ANKRD45: variants seen among roughly 807,000 people sequenced by gnomAD.
The protein encoded by ANKRD45 is ankyrin repeat domain-containing protein 45.
A neutral mutation model predicts 28.1 loss-of-function variants in ANKRD45; 21 were observed. The observed-to-expected ratio is 0.75, with a 90% CI of 0.53 to 1.08. The LOEUF (loss-of-function observed/expected upper bound fraction) is 1.08. ANKRD45 is among the 50% of genes least tolerant of loss of function. The probability of loss-of-function intolerance (pLI) is 0.00; values close to 1 mark genes in which losing one functional copy is unlikely to be tolerated. For synonymous variants in ANKRD45, 86 were observed against 103.9 expected, an observed-to-expected ratio of 0.83 and a Z score of 1.05; for missense variants, 261 against 308.7, an observed-to-expected ratio of 0.85 and a Z score of 1.16.
chr1:173,676,470 C>T, the ANKRD45 span, among the ~76,000 whole-genome samples: 47 of 152,158 alleles, frequency 3.1e-4, no homozygotes, highest in African/African-American at 9.9e-4. Flanking sequence ...TTAGTCCCTG[C>T]GGTTAATTCC....
chr1:173,622,159 G>A (rs886633912), intron 5 of ANKRD45, among the ~76,000 whole-genome samples: 2 of 152,064 alleles, frequency 1.3e-5, no homozygotes, highest in African/African-American at 2.4e-5. Context: ...AATCAGAAAG[G>A]ACACAAACAA....
intron 1 of ANKRD45, among the ~76,000 whole-genome samples, chr1:173,663,317 G>A (rs1023000780): frequency 2.0e-5 from 3 of 152,118 alleles, no homozygotes; most frequent in Non-Finnish European, 4.4e-5. Context: ...GGCACTCATC[G>A]CAAGTGACAG....
At chr1:173,635,704 A>G (rs1668402828) in intron 3 of ANKRD45, 1 of 1,535,610 alleles carries the variant, frequency 6.5e-7, no homozygotes, top group Non-Finnish European at 8.7e-7. Context: ...TTCTGGATAA[A>G]CTATGCTGCG....
chr1:173,650,249 T>C (rs2102366843), intron 2 of ANKRD45, among the ~76,000 whole-genome samples: 1 of 152,272 alleles, frequency 6.6e-6, no homozygotes, highest in East Asian at 1.9e-4. Context: ...ATGCTATCTC[T>C]CCACCAACCC....
At chr1:173,663,991 T>A (rs1054646153) in intron 1 of ANKRD45, among the ~76,000 whole-genome samples, 1 of 152,208 alleles carries the variant, frequency 6.6e-6, no homozygotes. Flanking sequence ...AGGTAACATA[T>A]CACTGTTTTT....
chr1:173,620,311 C>T (rs1667645553), intron 5 of ANKRD45, among the ~76,000 whole-genome samples: 1 of 152,236 alleles, frequency 6.6e-6, no homozygotes, highest in African/African-American at 2.4e-5. Context: ...CTCAAAACCA[C>T]ACAACTGCAT....
chr1:173,714,994 T>G, the ANKRD45 span: 1 of 152,742 alleles, frequency 6.5e-6, no homozygotes, highest in African/African-American at 2.4e-5. Context: ...CTGCCTGCGT[T>G]AGCGGCGGTG....
At chr1:173,678,252 C>T in the ANKRD45 span, among the ~76,000 whole-genome samples, 645 of 152,034 alleles carry the variant, frequency 4.2e-3, 4 homozygotes, top group South Asian at 0.012. Context: ...CTGGCAGAGA[C>T]AAAACAAAAA....
upstream of ANKRD45, among the ~76,000 whole-genome samples, chr1:173,672,652 G>A (rs560128009): frequency 1.9e-4 from 29 of 152,280 alleles, no homozygotes; most frequent in African/African-American, 3.9e-4. Flanking sequence ...CAAAGATGCC[G>A]TGAGCTCCAC....
chr1:173,622,636 C>T (rs1263498003), intron 5 of ANKRD45, among the ~76,000 whole-genome samples: 1 of 152,140 alleles, frequency 6.6e-6, no homozygotes, highest in African/African-American at 2.4e-5. Context: ...CCCTTCCTTA[C>T]ACCTTATACA....
intron 2 of ANKRD45, among the ~76,000 whole-genome samples, chr1:173,654,529 A>G (rs1347409456): frequency 1.3e-5 from 2 of 151,778 alleles, no homozygotes; most frequent in Non-Finnish European, 2.9e-5. Context: ...TGCACTTAAC[A>G]TTTTTTCCTT....
At chr1:173,663,333 G>A (rs1341855722) in intron 1 of ANKRD45, among the ~76,000 whole-genome samples, 7 of 152,184 alleles carry the variant, frequency 4.6e-5, no homozygotes, top group Admixed American at 1.3e-4. Context: ...GACAGAAATA[G>A]TATGCTGATC....
intron 3 of ANKRD45, among the ~76,000 whole-genome samples, chr1:173,640,016 T>C (rs1174187350): frequency 6.6e-6 from 1 of 152,146 alleles, no homozygotes; most frequent in Non-Finnish European, 1.5e-5. Flanking sequence ...AATCAGACTT[T>C]AAAGAACCAT....
intron 5 of ANKRD45, among the ~76,000 whole-genome samples, chr1:173,618,563 G>C (rs746652197): frequency 6.6e-6 from 1 of 151,960 alleles, no homozygotes; most frequent in Non-Finnish European, 1.5e-5. Context: ...ACTATCTTTT[G>C]AAATAGGAAG....
the ANKRD45 span, among the ~76,000 whole-genome samples, chr1:173,682,706 C>T: frequency 6.6e-6 from 1 of 151,922 alleles, no homozygotes; most frequent in Non-Finnish European, 1.5e-5. Context: ...CACACACACA[C>T]ACACACACAC....
intron 1 of ANKRD45, among the ~76,000 whole-genome samples, chr1:173,659,842 G>A (rs541463764): frequency 6.6e-6 from 1 of 152,262 alleles, no homozygotes; most frequent in East Asian, 1.9e-4. Context: ...TAAAAATTAG[G>A]CAACGACATT....
In ANKRD45 at chr1:173,627,129, G is replaced by T. The variant is rs1667973834; in HGVS notation, c.527C>A (p.Ala176Glu). The T allele has an allele frequency of 5.0e-6, 8 of 1,612,686 alleles. No homozygotes were observed. Among genetic ancestry groups the T allele is most frequent in the African/African-American group, 1.3e-5 (1 of 74,316 alleles). ...GTCAGTAACAGCTAAAGAGACTTTT[G>T]CAATATATTTTTTCAGAGTCAGCCT... ...DARLTLKKYI[A>E]KVSLAVTDTE... The change falls in exon 4 of 6, where the codon GCA becomes GAA. Residue 176 changes from alanine to glutamate, a missense_variant. Coordinates refer to ENST00000333279, the MANE Select transcript of ANKRD45 (RefSeq NM_198493.3).
At chr1:173,632,582 G>A (rs1668243133) in intron 3 of ANKRD45, among the ~76,000 whole-genome samples, 1 of 148,866 alleles carries the variant, frequency 6.7e-6, no homozygotes, top group Non-Finnish European at 1.5e-5. Flanking sequence ...TCTCCCTGAT[G>A]AACACTGATG....
At chr1:173,654,086 C>T (rs552890724) in intron 2 of ANKRD45, among the ~76,000 whole-genome samples, 1 of 150,724 alleles carries the variant, frequency 6.6e-6, no homozygotes, top group Non-Finnish European at 1.5e-5. Context: ...CTTTTAATTG[C>T]GGCATTTACA....
Sources: allele counts gnomAD v4.1 joint callset (sites outside exome capture counted in the v4.1 genomes callset), GRCh38; gene constraint gnomAD v4.1.1; transcripts MANE v1.5; gene names NCBI Gene and HGNC (gene_info 2026-07-23, HGNC 2026-07-21).